Variants in UBE2E2 observed in about 807,000 individuals in gnomAD.
UBE2E2 encodes ubiquitin-conjugating enzyme E2 E2.
In UBE2E2, 6 loss-of-function variants were observed where a neutral mutation model predicts 24.7. That is an observed-to-expected ratio of 0.24 (90% confidence interval 0.13 to 0.48). The LOEUF (loss-of-function observed/expected upper bound fraction) is 0.48, where lower values mean the gene tolerates loss of function less well. Among genes scored for constraint, UBE2E2 ranks in the 20% least tolerant of loss-of-function variants. UBE2E2 has a pLI of 0.99. For synonymous variants in UBE2E2, 104 were observed against 83.6 expected (o/e 1.24, Z -1.33); for missense variants, 169 against 245.0 (o/e 0.69, Z 2.07).
chr3:23,458,430 GTT>G (rs1299554662), intron 3 of UBE2E2, among the ~76,000 whole-genome samples: 1 of 150,160 alleles, frequency 6.7e-6, no homozygotes, highest in African/African-American at 2.5e-5. Context: ...GGTGGTGGTT[GTT>G]GTTGTTTGAG....
At chr3:23,237,362 A>G (rs1388280724) in intron 3 of UBE2E2, among the ~76,000 whole-genome samples, 1 of 152,216 alleles carries the variant, frequency 6.6e-6, no homozygotes, top group Non-Finnish European at 1.5e-5. Context: ...TAAGGCAGAT[A>G]ACTTCTGCAT....
At chr3:23,573,297 G>C (rs1274916054) in intron 5 of UBE2E2, among the ~76,000 whole-genome samples, 3 of 152,154 alleles carry the variant, frequency 2.0e-5, no homozygotes, top group Admixed American at 6.6e-5. Context: ...CTAGTGCAGT[G>C]AATATAGAGA....
chr3:23,532,300 G>T (rs1291045002), intron 4 of UBE2E2, among the ~76,000 whole-genome samples: 1 of 152,008 alleles, frequency 6.6e-6, no homozygotes, highest in Non-Finnish European at 1.5e-5. Flanking sequence ...TAAATAACAG[G>T]ACTCTTTATA....
At chr3:23,329,593 A>C (rs1032610451) in intron 3 of UBE2E2, among the ~76,000 whole-genome samples, 2 of 152,262 alleles carry the variant, frequency 1.3e-5, no homozygotes, top group South Asian at 2.1e-4. Context: ...ATGCAAGCTA[A>C]TTAGATACAA....
intron 5 of UBE2E2, among the ~76,000 whole-genome samples, chr3:23,540,077 T>A (rs1695355110): frequency 6.6e-6 from 1 of 152,124 alleles, no homozygotes; most frequent in Non-Finnish European, 1.5e-5. Flanking sequence ...ATTTATTTAT[T>A]TTTAGAGATG....
intron 3 of UBE2E2, among the ~76,000 whole-genome samples, chr3:23,446,184 T>G (rs1187111723): frequency 1.3e-5 from 2 of 152,164 alleles, no homozygotes; most frequent in Non-Finnish European, 2.9e-5. Flanking sequence ...GTACTGCATA[T>G]AAATATACAG....
chr3:23,304,460 G>A (rs567479659), intron 3 of UBE2E2, among the ~76,000 whole-genome samples: 2 of 152,224 alleles, frequency 1.3e-5, no homozygotes, highest in East Asian at 1.9e-4. Context: ...TCATGTTAAT[G>A]TAAATATATT....
At chr3:23,243,948 G>T (rs1177624302) in intron 3 of UBE2E2, among the ~76,000 whole-genome samples, 4 of 151,816 alleles carry the variant, frequency 2.6e-5, no homozygotes, top group African/African-American at 9.7e-5. Flanking sequence ...ACACTCGGGA[G>T]TTTTAGTTGC....
chr3:23,518,340 G>A (rs942870275), intron 4 of UBE2E2, among the ~76,000 whole-genome samples: 7 of 152,200 alleles, frequency 4.6e-5, no homozygotes, highest in African/African-American at 1.7e-4. Flanking sequence ...GGAAATTTAA[G>A]TGGAAAACAA....
intron 3 of UBE2E2, among the ~76,000 whole-genome samples, chr3:23,330,896 G>A (rs998879946): frequency 1.3e-5 from 2 of 152,122 alleles, no homozygotes; most frequent in African/African-American, 2.4e-5. Flanking sequence ...GAATGAAACT[G>A]TTAAGCTACT....
chr3:23,238,710 T>C (rs112086646), intron 3 of UBE2E2, among the ~76,000 whole-genome samples: 3 of 152,210 alleles, frequency 2.0e-5, no homozygotes, highest in African/African-American at 4.8e-5. Flanking sequence ...AGTCTAAACA[T>C]GAAATGCATT....
chr3:23,560,349 G>C lies in UBE2E2; in HGVS notation c.508+27648G>C, dbSNP rs1460250137. 6.6e-5 allele frequency among the ~76,000 whole-genome samples: 10 copies of C among 152,052 alleles called. No homozygotes were observed. In the East Asian group the frequency reaches 1.9e-3, roughly 29 times the overall value. On this transcript the variant is annotated intron_variant, in intron 5 of 5. Transcript: ENST00000396703. Reference sequence around the variant, plus strand: ...TTCTGTCCTTGCAATAGTTTGCTCAGAATGATGGTTTCCAGCTTCATCCGT... The same window carrying C: ...TTCTGTCCTTGCAATAGTTTGCTCACAATGATGGTTTCCAGCTTCATCCGT...
At chr3:23,465,138 C>G (rs1022586894) in intron 3 of UBE2E2, among the ~76,000 whole-genome samples, 1 of 152,154 alleles carries the variant, frequency 6.6e-6, no homozygotes, top group Non-Finnish European at 1.5e-5. Flanking sequence ...ACCCTTATTT[C>G]TACATGTCAT....
intron 3 of UBE2E2, among the ~76,000 whole-genome samples, chr3:23,327,267 T>C (rs1275372247): frequency 1.3e-5 from 2 of 152,182 alleles, no homozygotes; most frequent in Non-Finnish European, 1.5e-5. Context: ...CCACAATGGT[T>C]GAACTAGTTT....
chr3:23,366,293 C>CAG (rs1696253962), intron 3 of UBE2E2, among the ~76,000 whole-genome samples: 1 of 152,148 alleles, frequency 6.6e-6, no homozygotes, highest in African/African-American at 2.4e-5. Context: ...CCATTCAACC[C>CAG]AGCAATCCCT....
intron 3 of UBE2E2, among the ~76,000 whole-genome samples, chr3:23,317,943 G>T (rs1694629626): frequency 6.6e-6 from 1 of 151,758 alleles, no homozygotes; most frequent in Non-Finnish European, 1.5e-5. Context: ...TCTTATGAAG[G>T]TGCTTTTTTG....
intron 3 of UBE2E2, among the ~76,000 whole-genome samples, chr3:23,255,708 T>A (rs184500224): frequency 5.9e-4 from 90 of 152,318 alleles, no homozygotes; most frequent in Non-Finnish European, 1.1e-3. Flanking sequence ...TCACATATGG[T>A]ACCTCTGTCT....
At chr3:23,353,558 G>C (rs1216961532) in intron 3 of UBE2E2, among the ~76,000 whole-genome samples, 1 of 152,116 alleles carries the variant, frequency 6.6e-6, no homozygotes, top group Admixed American at 6.5e-5. Context: ...CAAAATCAAT[G>C]TACAAAAATC....
At chr3:23,421,639 CT>C (rs139258554) in intron 3 of UBE2E2, among the ~76,000 whole-genome samples, 4,382 of 152,306 alleles carry the variant, frequency 0.029, 106 homozygotes, top group East Asian at 0.13. Flanking sequence ...AACTCCTGAC[CT>C]CATGACCCGC....
Sources: allele counts gnomAD v4.1 joint callset (sites outside exome capture counted in the v4.1 genomes callset), GRCh38; gene constraint gnomAD v4.1.1; transcripts MANE v1.5; gene names NCBI Gene and HGNC (gene_info 2026-07-23, HGNC 2026-07-21).